R3HDM1: variants seen among roughly 807,000 people sequenced by gnomAD.
R3HDM1 encodes R3H domain-containing protein 1.
R3HDM1 carries 46 observed loss-of-function variants against 141.1 expected under a neutral mutation model. The ratio of observed to expected loss-of-function variants is 0.33; its 90% CI spans 0.26 to 0.42. The LOEUF (loss-of-function observed/expected upper bound fraction) is 0.42, where lower values mean the gene tolerates loss of function less well. Among genes scored for constraint, R3HDM1 ranks in the 10% least tolerant of loss-of-function variants. The pLI, the probability that R3HDM1 is intolerant of heterozygous loss-of-function variation, is 1.00. For missense variants in R3HDM1, 1,184 were observed against 1,368.3 expected (o/e 0.87, Z 2.12); for synonymous variants, 435 against 472.9 (o/e 0.92, Z 1.04).
chr2:135,625,145 C>G (rs1296326796), intron 7 of R3HDM1, among the ~76,000 whole-genome samples: 26 of 152,146 alleles, frequency 1.7e-4, no homozygotes, highest in Non-Finnish European at 8.8e-5. Flanking sequence ...GGAACAGTTA[C>G]ACTGAAAATA....
intron 1 of R3HDM1, among the ~76,000 whole-genome samples, chr2:135,570,308 A>T (rs1703820042): frequency 6.6e-6 from 1 of 152,222 alleles, no homozygotes; most frequent in South Asian, 2.1e-4. Context: ...TAGGGTAGTA[A>T]AGTATCTTCC....
At chr2:135,709,353 G>C (rs556497236) in intron 21 of R3HDM1, 80 bp from the exon 22 acceptor site, 1 of 1,567,128 alleles carries the variant, frequency 6.4e-7, no homozygotes, top group Non-Finnish European at 8.7e-7. Context: ...GATTACAGGC[G>C]TGAGCACCGC....
intron 16 of R3HDM1, chr2:135,649,225 C>G (rs377235329): frequency 6.6e-6 from 1 of 152,022 alleles, no homozygotes; most frequent in Non-Finnish European, 1.5e-5. Flanking sequence ...CCACCATGCC[C>G]GGCTAATTTT....
At chr2:135,663,222 G>A (rs1336444635) in intron 19 of R3HDM1, among the ~76,000 whole-genome samples, 1 of 151,596 alleles carries the variant, frequency 6.6e-6, no homozygotes, top group Non-Finnish European at 1.5e-5. Context: ...GTGACAGATA[G>A]CATGTGTTTA....
At chr2:135,613,568 G>C (rs1487710487) in intron 3 of R3HDM1, among the ~76,000 whole-genome samples, 2 of 152,172 alleles carry the variant, frequency 1.3e-5, no homozygotes, top group African/African-American at 2.4e-5. Flanking sequence ...TGTAATTCCA[G>C]CACTTTAGGA....
intron 23 of R3HDM1, 78 bp from the exon 24 acceptor site, chr2:135,715,472 C>G (rs544951001): frequency 2.8e-6 from 4 of 1,451,290 alleles, no homozygotes; most frequent in Middle Eastern, 1.8e-4. Flanking sequence ...CTAACAAGTA[C>G]GTATATGTAA....
intron 1 of R3HDM1, among the ~76,000 whole-genome samples, chr2:135,562,843 A>G (rs1368734327): frequency 2.0e-5 from 3 of 152,208 alleles, no homozygotes; most frequent in African/African-American, 7.2e-5. Context: ...CAACCTCAGT[A>G]AATGTTAACT....
chr2:135,664,480 A>C (rs1441875661), intron 19 of R3HDM1, among the ~76,000 whole-genome samples: 1 of 152,206 alleles, frequency 6.6e-6, no homozygotes, highest in African/African-American at 2.4e-5. Flanking sequence ...ATTTGAACTT[A>C]AAGAAATTTT....
At chr2:135,569,390 G>A (rs187430763) in intron 1 of R3HDM1, among the ~76,000 whole-genome samples, 1 of 152,066 alleles carries the variant, frequency 6.6e-6, no homozygotes, top group East Asian at 1.9e-4. Flanking sequence ...GGCTGAGGCA[G>A]GAGAATTGCT....
intron 1 of R3HDM1, among the ~76,000 whole-genome samples, chr2:135,542,639 A>G (rs1044919248): frequency 1.3e-5 from 2 of 152,250 alleles, no homozygotes; most frequent in Non-Finnish European, 2.9e-5. Flanking sequence ...GTAAGATGAA[A>G]TAAAAGATTT....
intron 7 of R3HDM1, among the ~76,000 whole-genome samples, chr2:135,625,639 G>A (rs2061941699): frequency 6.6e-6 from 1 of 152,102 alleles, no homozygotes. Flanking sequence ...GATTAGGCGG[G>A]TCACTGGAAG....
At chr2:135,643,610 C>A (rs1318419606) in intron 15 of R3HDM1, among the ~76,000 whole-genome samples, 2 of 152,026 alleles carry the variant, frequency 1.3e-5, no homozygotes, top group African/African-American at 4.8e-5. Flanking sequence ...AAATACTAAT[C>A]TTTTAATCTA....
At chr2:135,645,680 A>G (rs549025562) in intron 16 of R3HDM1, among the ~76,000 whole-genome samples, 153 bp downstream of exon 16, 18 of 152,250 alleles carry the variant, frequency 1.2e-4, no homozygotes, top group Non-Finnish European at 2.5e-4. Context: ...ATAGGAAAAG[A>G]GATAACTTCA....
chr2:135,673,798 C>T (rs539824674), intron 19 of R3HDM1, among the ~76,000 whole-genome samples: 13 of 152,294 alleles, frequency 8.5e-5, no homozygotes, highest in Admixed American at 7.8e-4. Flanking sequence ...TTCACTATAA[C>T]TGAATTTTTA....
intron 1 of R3HDM1, among the ~76,000 whole-genome samples, chr2:135,583,370 C>A (rs761519619): frequency 7.3e-5 from 11 of 151,418 alleles, no homozygotes; most frequent in Non-Finnish European, 1.3e-4. Context: ...ATTTTTTTTC[C>A]CTGTTGCATT....
chr2:135,589,671 G>A (rs573631797), intron 1 of R3HDM1, among the ~76,000 whole-genome samples: 26 of 152,158 alleles, frequency 1.7e-4, no homozygotes, highest in African/African-American at 6.3e-4. Flanking sequence ...CTTCTCACTT[G>A]AACAGAGCAA....
chr2:135,578,261 A>T (rs1705950822), intron 1 of R3HDM1, among the ~76,000 whole-genome samples: 1 of 152,222 alleles, frequency 6.6e-6, no homozygotes, highest in African/African-American at 2.4e-5. Context: ...AAGAGTATCT[A>T]TAATATGCTA....
chr2:135,670,540 T>A, intron 19 of R3HDM1: 1 of 381,842 alleles, frequency 2.6e-6, no homozygotes. Flanking sequence ...ATAGTCTGTG[T>A]CATATAACCC....
At chr2:135,535,147 C>CT (rs762849570) in intron 1 of R3HDM1, among the ~76,000 whole-genome samples, 22 of 152,140 alleles carry the variant, frequency 1.4e-4, no homozygotes, top group Admixed American at 3.3e-4. Context: ...AATCAATACT[C>CT]TGTCTTTATA....
Sources: allele counts gnomAD v4.1 joint callset (sites outside exome capture counted in the v4.1 genomes callset), GRCh38; gene constraint gnomAD v4.1.1; transcripts MANE v1.5; gene names NCBI Gene and HGNC (gene_info 2026-07-23, HGNC 2026-07-21).